Variants in KCNAB1 observed in about 807,000 individuals in gnomAD.
The protein encoded by KCNAB1 is potassium voltage-gated channel subfamily A regulatory beta subunit 1, also known as voltage-gated potassium channel subunit beta-1.
In KCNAB1, 35 loss-of-function variants were observed where a neutral mutation model predicts 64.6. That is an observed-to-expected ratio of 0.54 (90% CI 0.41 to 0.72). KCNAB1 has a LOEUF of 0.72. KCNAB1 is among the 30% of genes least tolerant of loss of function. KCNAB1 has a pLI of 0.00. For missense variants in KCNAB1, 401 were observed against 512.9 expected (o/e 0.78, Z 2.11); for synonymous variants, 177 against 183.8 (o/e 0.96, Z 0.30).
intron 1 of KCNAB1, among the ~76,000 whole-genome samples, chr3:156,294,681 T>C (rs1332230120): frequency 6.6e-6 from 1 of 152,178 alleles, no homozygotes; most frequent in African/African-American, 2.4e-5. Context: ...GTAAGCAATC[T>C]GGAGAATGCC....
intron 1 of KCNAB1, among the ~76,000 whole-genome samples, chr3:156,197,406 G>A (rs369059435): frequency 6.6e-6 from 1 of 152,038 alleles, no homozygotes. Flanking sequence ...TTGTACCTCT[G>A]GTATAATTTG....
At chr3:156,286,473 G>A (rs1213164518) in intron 1 of KCNAB1, among the ~76,000 whole-genome samples, 3 of 152,170 alleles carry the variant, frequency 2.0e-5, no homozygotes, top group Non-Finnish European at 2.9e-5. Flanking sequence ...CCTGTTGGCT[G>A]TGGTTTCCAA....
At chr3:156,135,437 C>T (rs1470801321) in intron 1 of KCNAB1, among the ~76,000 whole-genome samples, 3 of 152,208 alleles carry the variant, frequency 2.0e-5, no homozygotes, top group African/African-American at 7.2e-5. Context: ...TGGAAACTTG[C>T]ACTTTATTCC....
chr3:156,314,930 C>T (rs1317860145), intron 1 of KCNAB1, among the ~76,000 whole-genome samples: 1 of 152,122 alleles, frequency 6.6e-6, no homozygotes, highest in East Asian at 1.9e-4. Context: ...AGAAGAATTG[C>T]TTGAACCGAG....
chr3:156,281,207 C>A (rs1719693569), intron 1 of KCNAB1, among the ~76,000 whole-genome samples: 2 of 147,950 alleles, frequency 1.4e-5, no homozygotes, highest in African/African-American at 4.9e-5. Context: ...GCTTTTTCTG[C>A]ATCTATTGAG....
intron 12 of KCNAB1, among the ~76,000 whole-genome samples, chr3:156,530,988 T>C (rs1372783868): frequency 6.6e-6 from 1 of 152,150 alleles, no homozygotes; most frequent in African/African-American, 2.4e-5. Context: ...CAGGGCCTTA[T>C]GTGGAAAGCA....
chr3:156,166,612 T>A (rs1455093639), intron 1 of KCNAB1, among the ~76,000 whole-genome samples: 1 of 152,082 alleles, frequency 6.6e-6, no homozygotes, highest in South Asian at 2.1e-4. Flanking sequence ...ATCAGCAAGA[T>A]CCCAGTGCTT....
Sources: allele counts gnomAD v4.1 joint callset (sites outside exome capture counted in the v4.1 genomes callset), GRCh38; gene constraint gnomAD v4.1.1; transcripts MANE v1.5; gene names NCBI Gene and HGNC (gene_info 2026-07-23, HGNC 2026-07-21).